TUSC3: variants seen among roughly 807,000 people sequenced by gnomAD.
TUSC3 encodes tumor suppressor candidate 3.
Under a neutral mutation model 44.8 loss-of-function variants are expected in TUSC3, and 45 were observed. That is an observed-to-expected ratio of 1.00 (90% CI 0.79 to 1.29). TUSC3 has a LOEUF of 1.29. Among genes scored for constraint, TUSC3 ranks in the 50% most tolerant of loss-of-function variants. TUSC3 has a pLI of 0.00. For missense variants in TUSC3, 519 were observed against 437.9 expected, an observed-to-expected ratio of 1.19 and a Z score of -1.65; for synonymous variants, 212 against 152.9, an observed-to-expected ratio of 1.39 and a Z score of -2.85.
chr8:15,659,109 C>G (rs1008438440), intron 3 of TUSC3, among the ~76,000 whole-genome samples: 2 of 152,024 alleles, frequency 1.3e-5, no homozygotes, highest in Non-Finnish European at 2.9e-5. Flanking sequence ...AAAACAAATT[C>G]CAGTACTTTT....
At chr8:15,680,159 G>A (rs758638351) in intron 6 of TUSC3, among the ~76,000 whole-genome samples, 113 of 151,964 alleles carry the variant, frequency 7.4e-4, no homozygotes, top group Non-Finnish European at 1.3e-3. Context: ...TACTGAACCC[G>A]TAGATTGCTT....
At chr8:15,820,169 G>C in the TUSC3 span, among the ~76,000 whole-genome samples, 1 of 151,978 alleles carries the variant, frequency 6.6e-6, no homozygotes, top group Non-Finnish European at 1.5e-5. Context: ...AATTCTGATT[G>C]ACTGATAAAT....
intron 2 of TUSC3, among the ~76,000 whole-genome samples, chr8:15,506,787 G>A (rs1364284727): frequency 1.3e-5 from 2 of 152,158 alleles, no homozygotes; most frequent in Non-Finnish European, 2.9e-5. Flanking sequence ...TACATTTCAA[G>A]ATGAGATTTC....
At chr8:15,444,342 G>A (rs1398565721) in intron 1 of TUSC3, among the ~76,000 whole-genome samples, 6 of 152,062 alleles carry the variant, frequency 3.9e-5, no homozygotes, top group Non-Finnish European at 7.4e-5. Flanking sequence ...TTTGCAGTAG[G>A]GGTTACAGAC....
At chr8:15,649,070 C>G (rs1023028654) in intron 2 of TUSC3, among the ~76,000 whole-genome samples, 1 of 152,112 alleles carries the variant, frequency 6.6e-6, no homozygotes, top group Non-Finnish European at 1.5e-5. Flanking sequence ...TTGATAAATA[C>G]AATATCTTTT....
intron 6 of TUSC3, among the ~76,000 whole-genome samples, chr8:15,721,634 TTTAG>T (rs147945070): frequency 0.17 from 25,510 of 152,004 alleles, 2,122 homozygotes; most frequent in South Asian, 0.23. Context: ...TTTAATTGCA[TTTAG>T]TTAAACACAA....
In TUSC3 at chr8:15,694,334, C is replaced by G. The variant is rs181257351; in HGVS notation, c.798+20498C>G. On this transcript the variant is annotated intron_variant, in intron 6 of 10. Coordinates refer to ENST00000503731, the MANE Select transcript of TUSC3 (RefSeq NM_006765.4). Reference sequence around the variant, plus strand: ...GCGTGCGCCGTTAATCCCAGCCACTCAGGAGTCTGAGACAGGAAAATCACT... The same window carrying G: ...GCGTGCGCCGTTAATCCCAGCCACTGAGGAGTCTGAGACAGGAAAATCACT... Among the ~76,000 whole-genome samples the G allele has an allele frequency of 4.0e-5, 6 of 149,088 alleles. No homozygotes were observed. The East Asian group carries it at 6.1e-4, about 15-fold the overall frequency.
At position 15,486,765 on chromosome 8, in the gene TUSC3, G is replaced by A. The variant is rs561277486; in HGVS notation, n.189+3282G>A. Among the ~76,000 whole-genome samples the A allele has an allele frequency of 1.4e-4, 22 of 152,110 alleles. 1 individual carries two copies. The highest frequency in any genetic ancestry group is 5.1e-4 in the African/African-American group (21 of 41,506). The stretch of plus-strand genomic sequence containing the variant: ...GCCTCCTCTCCCACAATTTTCTAAG[G>A]TAAGCCTATATTTTCCTTTTACTGG... On this transcript the variant is annotated intron_variant and non_coding_transcript_variant, in intron 2 of 5. Coordinates refer to the TUSC3 transcript ENST00000503191.
At chr8:15,540,165 A>C (rs1158031230), upstream of TUSC3, 2 of 420,462 alleles carry the variant, frequency 4.8e-6, no homozygotes, top group Non-Finnish European at 8.2e-6. Flanking sequence ...GCGGGAGCGC[A>C]CGCCGCGCCC....
At chr8:15,418,232 G>A (rs945958594) in intron 1 of TUSC3, among the ~76,000 whole-genome samples, 2 of 152,154 alleles carry the variant, frequency 1.3e-5, no homozygotes, top group African/African-American at 2.4e-5. Flanking sequence ...TAGCCTATTA[G>A]TAAAATGCAC....
intron 2 of TUSC3, among the ~76,000 whole-genome samples, chr8:15,507,511 T>A (rs1801073190): frequency 6.6e-6 from 1 of 152,162 alleles, no homozygotes; most frequent in Non-Finnish European, 1.5e-5. Flanking sequence ...TCTAGCTAAT[T>A]TCTATAATTA....
the TUSC3 span, among the ~76,000 whole-genome samples, chr8:15,846,746 C>T: frequency 6.6e-5 from 10 of 152,072 alleles, no homozygotes; most frequent in East Asian, 5.8e-4. Flanking sequence ...GGAGGAATAG[C>T]GTTAGGAGAA....
intron 2 of TUSC3, among the ~76,000 whole-genome samples, chr8:15,530,465 C>T (rs1449642300): frequency 6.6e-6 from 1 of 152,130 alleles, no homozygotes; most frequent in Non-Finnish European, 1.5e-5. Flanking sequence ...CTTGTTTCAT[C>T]TTCATGGTAC....
chr8:15,758,865 T>C (rs1812047605), intron 10 of TUSC3, among the ~76,000 whole-genome samples: 1 of 152,106 alleles, frequency 6.6e-6, no homozygotes, highest in African/African-American at 2.4e-5. Context: ...ATGACAGATC[T>C]AAAAAGCTTC....
chr8:15,490,656 A>G (rs140444631), intron 2 of TUSC3, among the ~76,000 whole-genome samples: 34 of 152,338 alleles, frequency 2.2e-4, no homozygotes, highest in African/African-American at 7.5e-4. Context: ...TTGCCCTAAA[A>G]GAGATGCTGA....
intron 2 of TUSC3, among the ~76,000 whole-genome samples, chr8:15,641,223 C>T (rs889058979): frequency 1.3e-4 from 20 of 151,996 alleles, no homozygotes; most frequent in Admixed American, 3.3e-4. Flanking sequence ...TAGCTGGGCG[C>T]GGTGGCACTC....
At chr8:15,806,548 G>T in the TUSC3 span, 3 of 1,432,442 alleles carry the variant, frequency 2.1e-6, no homozygotes, top group East Asian at 6.9e-5. Context: ...CAAAATCACA[G>T]AGCTCTTCAT....
intron 7 of TUSC3, among the ~76,000 whole-genome samples, chr8:15,739,605 T>C (rs1435091665): frequency 6.6e-6 from 1 of 151,896 alleles, no homozygotes; most frequent in African/African-American, 2.4e-5. Flanking sequence ...GGTAAATTCA[T>C]AGACATCTTT....
At chr8:15,417,201 T>A (rs1196018727), upstream of TUSC3, 1 of 152,426 alleles carries the variant, frequency 6.6e-6, no homozygotes, top group Non-Finnish European at 1.5e-5. Context: ...ATCTTCCTCC[T>A]GCTCTGGCTG....
Sources: allele counts gnomAD v4.1 joint callset (sites outside exome capture counted in the v4.1 genomes callset), GRCh38; gene constraint gnomAD v4.1.1; transcripts MANE v1.5; gene names NCBI Gene and HGNC (gene_info 2026-07-23, HGNC 2026-07-21).